Variants in NSD1 observed in about 807,000 individuals in gnomAD.
NSD1 encodes histone-lysine N-methyltransferase, H3 lysine-36 specific.
In NSD1, 26 loss-of-function variants were observed where a neutral mutation model predicts 242.7. The ratio of observed to expected loss-of-function variants is 0.11; its 90% CI spans 0.08 to 0.15. The LOEUF (loss-of-function observed/expected upper bound fraction) is 0.15, where lower values mean the gene tolerates loss of function less well. Ranked by LOEUF, NSD1 falls within the 10% of genes least tolerant of loss-of-function variation. The pLI, the probability that NSD1 is intolerant of heterozygous loss-of-function variation, is 1.00. For missense variants in NSD1, 2,495 were observed against 3,272.8 expected (o/e 0.76, Z 5.80); for synonymous variants, 1,106 against 1,178.1 (o/e 0.94, Z 1.25).
At position 177,269,593 on chromosome 5, in the gene NSD1, C is replaced by G; in HGVS notation, c.5304-9C>G. 1 of 1,613,950 alleles carries G rather than the reference C, an allele frequency of 6.2e-7. No homozygotes were observed. The highest frequency in any genetic ancestry group is 1.1e-5 in the South Asian group (1 of 91,068). Reference sequence around the variant, plus strand: ...TAGAGGTTTTCCTTCTCCTTTTCACCTTTCCCAGGTGGTGGCCAGCTGAGA... The same window carrying G: ...TAGAGGTTTTCCTTCTCCTTTTCACGTTTCCCAGGTGGTGGCCAGCTGAGA... On this transcript the variant is annotated splice_polypyrimidine_tract_variant and intron_variant, in intron 15 of 22. Coordinates refer to ENST00000439151, the MANE Select transcript of NSD1 (RefSeq NM_022455.5). This position sits in a 1 kb window ranked among gnomAD's most constrained non-coding sequence, Gnocchi z 5.1.
At chr5:177,136,192 A>G in intron 2 of NSD1, 162 bp downstream of exon 2, 1 of 638,798 alleles carries the variant, frequency 1.6e-6, no homozygotes, top group Non-Finnish European at 2.7e-6. Context: ...TTGATTTTTA[A>G]ATTTATCTCT....
In NSD1 at chr5:177,294,436, G is replaced by A. The variant is rs748144048; in HGVS notation, c.7068G>A (p.Thr2356=). ...AACCACTGGAAAGACCTCTGGGGAC[G>A]GCTGACCCAAGGCTGGATAAATCCA... The part of the protein sequence containing the change: ...RSQPLERPLG[T]ADPRLDKSIG... The change falls in exon 23 of 23, where the codon ACG becomes ACA. Residue 2356 remains threonine, a synonymous_variant. Coordinates refer to ENST00000439151, the MANE Select transcript of NSD1 (RefSeq NM_022455.5). 5.0e-6 allele frequency: 8 copies of A among 1,614,048 alleles called. No individual in the cohort carries two copies. In the Admixed American group the frequency reaches 8.3e-5, roughly 17 times the overall value.
Position 177,296,554 on chromosome 5 carries a change from G to A in NSD1, c.*1095G>A. On this transcript the variant is annotated 3_prime_UTR_variant, in exon 23 of 23. Transcript: ENST00000439151. ...TTTCCCCATTCCTTTTCCCTCCTGA[G>A]TGGAGGGAGTCCTCTTCTTCGCCTC... The A allele has an allele frequency of 4.3e-6, 1 of 233,282 alleles. No individual in the cohort carries two copies. The highest frequency in any genetic ancestry group is 6.0e-5 in the East Asian group (1 of 16,590). 14.5% of individuals were successfully genotyped at this position (233,282 alleles called of 1,614,324 possible).
chr5:177,174,319 A>C (rs1042294618), intron 2 of NSD1, among the ~76,000 whole-genome samples: 1 of 152,046 alleles, frequency 6.6e-6, no homozygotes, highest in South Asian at 2.1e-4. Flanking sequence ...GCGCCACTGC[A>C]CTCTGGCCTG....
At chr5:177,268,143 C>G (rs1757660905) in intron 15 of NSD1, among the ~76,000 whole-genome samples, 1 of 151,638 alleles carries the variant, frequency 6.6e-6, no homozygotes, top group Non-Finnish European at 1.5e-5. Context: ...AGGGTATCCT[C>G]TGTCACCCAG....
chr5:177,271,019 G>A (rs990871453), intron 16 of NSD1, among the ~76,000 whole-genome samples: 2 of 152,112 alleles, frequency 1.3e-5, no homozygotes, highest in Non-Finnish European at 2.9e-5. Context: ...GCACAGAGCT[G>A]GCCACCACTG....
intron 2 of NSD1, among the ~76,000 whole-genome samples, chr5:177,176,243 C>G (rs79129261): frequency 0.019 from 2,838 of 151,756 alleles, 33 homozygotes; most frequent in Middle Eastern, 0.031. Flanking sequence ...AATCTAAGAT[C>G]TAAATATTCG....
intron 5 of NSD1, among the ~76,000 whole-genome samples, chr5:177,222,227 C>A (rs1050997579): frequency 1.3e-5 from 2 of 152,182 alleles, no homozygotes; most frequent in Non-Finnish European, 2.9e-5. Context: ...CTCCCAGGTA[C>A]AAGCGATTCT....
In NSD1 at chr5:177,134,951, C is replaced by G. The variant is rs952139168; in HGVS notation, c.-17-136C>G. The G allele has an allele frequency of 6.9e-6, 5 of 722,764 alleles. No individual in the cohort carries two copies. Among genetic ancestry groups the G allele is most frequent in the Non-Finnish European group, 1.2e-5 (5 of 429,762 alleles). 44.8% of individuals were successfully genotyped at this position (722,764 alleles called of 1,614,324 possible). A position where few individuals can be genotyped will look rare whatever the true frequency, so the allele number is the denominator to read the frequency against. Reference sequence around the variant, plus strand: ...TCGAGGCCATTTTTTCATCTCCAGTCGGGGGAACTTTTTCTGCCCATGGAA... The same window carrying G: ...TCGAGGCCATTTTTTCATCTCCAGTGGGGGGAACTTTTTCTGCCCATGGAA... On this transcript the variant is annotated intron_variant, in intron 1 of 22. Coordinates refer to ENST00000439151, the MANE Select transcript of NSD1 (RefSeq NM_022455.5). The surrounding 1 kb of genome is among the most constrained non-coding windows in gnomAD (Gnocchi z 4.2).
At chr5:177,207,373 C>T (rs71601345) in intron 4 of NSD1, among the ~76,000 whole-genome samples, 4,437 of 151,872 alleles carry the variant, frequency 0.029, 92 homozygotes, top group Non-Finnish European at 0.041. Flanking sequence ...ACCTCCGCCT[C>T]CCGGGTTCAC....
At chr5:177,182,151 CAAAA>C (rs35298464) in intron 2 of NSD1, among the ~76,000 whole-genome samples, 1 of 119,486 alleles carries the variant, frequency 8.4e-6, no homozygotes, top group Non-Finnish European at 1.8e-5. Context: ...GACTCCGTCT[CAAAA>C]AAAAAAAAAA....
chr5:177,171,017 TA>T (rs569914153), intron 2 of NSD1, among the ~76,000 whole-genome samples: 571 of 136,252 alleles, frequency 4.2e-3, no homozygotes, highest in Non-Finnish European at 4.3e-3. Context: ...TTTACCATGT[TA>T]AAAAAAAAAA....
At chr5:177,234,996 C>T (rs746549914) in intron 5 of NSD1, among the ~76,000 whole-genome samples, 28 of 152,174 alleles carry the variant, frequency 1.8e-4, no homozygotes, top group Non-Finnish European at 5.9e-5. Context: ...CATGTATTCT[C>T]GTGATACTAC....
At position 177,297,233 on chromosome 5, in the gene NSD1, C is replaced by T. The variant is rs1267517549; in HGVS notation, c.*1774C>T. The T allele has an allele frequency of 1.7e-5, 4 of 232,322 alleles. No individual in the cohort carries two copies. The highest frequency in any genetic ancestry group is 4.4e-5 in the African/African-American group (2 of 45,278). 14.4% of individuals were successfully genotyped at this position (232,322 alleles called of 1,614,324 possible). On this transcript the variant is annotated 3_prime_UTR_variant, in exon 23 of 23. Coordinates refer to ENST00000439151, the MANE Select transcript of NSD1 (RefSeq NM_022455.5). ...TTTCACTGAGACCTCGGAATCTCCTCTGTGAATTCCACCTGCCTAGTTCTC... is the reference window on the plus strand; with the variant it reads ...TTTCACTGAGACCTCGGAATCTCCTTTGTGAATTCCACCTGCCTAGTTCTC...
Position 177,289,834 on chromosome 5 carries a change from G to GTT in NSD1, c.6258+919_6258+920dup, listed in dbSNP as rs377041363. Among the ~76,000 whole-genome samples the GTT allele has an allele frequency of 2.7e-3, 391 of 143,442 alleles. 2 individuals are homozygous for GTT. Among genetic ancestry groups the GTT allele is most frequent in the African/African-American group, 9.5e-3 (372 of 39,190 alleles). 94.1% of individuals were successfully genotyped at this position (143,442 alleles called of 152,430 possible). On this transcript the variant is annotated intron_variant, in intron 21 of 22. Coordinates refer to ENST00000439151, the MANE Select transcript of NSD1 (RefSeq NM_022455.5). ...ATTTTTTTTGTTGTTGTTGTTTTGT[G>GTT]TTTTTTTTTTTGAGGTGGAGTCTCG...
At chr5:177,161,546 A>G (rs1051456667) in intron 2 of NSD1, among the ~76,000 whole-genome samples, 8 of 152,146 alleles carry the variant, frequency 5.3e-5, no homozygotes, top group Middle Eastern at 3.4e-3. Context: ...CTGGGTCTCA[A>G]ACTCCTGGGC....
intron 2 of NSD1, among the ~76,000 whole-genome samples, chr5:177,152,355 A>ATGTATGTT (rs2149778629): frequency 6.7e-6 from 1 of 149,628 alleles, no homozygotes; most frequent in Non-Finnish European, 1.5e-5. Flanking sequence ...GTATGTATGT[A>ATGTATGTT]TGTATGTTTG....
At chr5:177,161,221 A>C (rs967691793) in intron 2 of NSD1, among the ~76,000 whole-genome samples, 1 of 151,882 alleles carries the variant, frequency 6.6e-6, no homozygotes, top group Non-Finnish European at 1.5e-5. Flanking sequence ...CGGCCTCTAC[A>C]AAAAAAATAA....
At position 177,238,389 on chromosome 5, in the gene NSD1, G is replaced by A. The variant is rs777941389; in HGVS notation, c.4074G>A (p.Gln1358=). ...EAPFLEGPLA[Q]SELGGGHAEL... The stretch of plus-strand genomic sequence containing the variant: ...CGTTTTTGGAGGGCCCCTTGGCTCA[G>A]TCAGAACTTGGAGGTGGACATGCTG... Residue 1358 remains glutamine, a synonymous_variant, in exon 7 of 23, where the codon CAG becomes CAA. Coordinates refer to ENST00000439151, the MANE Select transcript of NSD1 (RefSeq NM_022455.5). This position sits in a 1 kb window ranked among gnomAD's most constrained non-coding sequence, Gnocchi z 4.6. 6.2e-7 allele frequency: 1 copy of A among 1,614,078 alleles called. No individual in the cohort carries two copies. Among genetic ancestry groups the A allele is most frequent in the Non-Finnish European group, 8.5e-7 (1 of 1,179,966 alleles).
Sources: gnomAD v4.1 joint callset for allele counts (sites outside exome capture counted in the v4.1 genomes callset) on GRCh38, gnomAD v4.1.1 for gene constraint, Gnocchi (gnomAD v3.1) non-coding constraint, MANE v1.5 for transcripts, NCBI Gene and HGNC (gene_info 2026-07-23, HGNC 2026-07-21) for gene names.